The following SORCS2 variants were observed in gnomAD, a reference collection of about 807,000 sequenced individuals.
SORCS2 encodes the protein VPS10 domain-containing receptor SorCS2.
Under a neutral mutation model 141.6 loss-of-function variants are expected in SORCS2, and 100 were observed. That is an observed-to-expected ratio of 0.71 (90% CI 0.60 to 0.83). The LOEUF is 0.83. SORCS2 is among the 40% of genes least tolerant of loss of function. The pLI, the probability that SORCS2 is intolerant of heterozygous loss-of-function variation, is 0.00. For synonymous variants in SORCS2, 789 were observed against 676.9 expected, an observed-to-expected ratio of 1.17 and a Z score of -2.57; for missense variants, 1,646 against 1,560.2, an observed-to-expected ratio of 1.05 and a Z score of -0.93.
At chr4:7,285,537 G>C (rs937825682) in intron 1 of SORCS2, among the ~76,000 whole-genome samples, 59 of 152,306 alleles carry the variant, frequency 3.9e-4, no homozygotes, top group Admixed American at 8.5e-4. Context: ...TTAATTTTCC[G>C]GTGTTCCTCC....
chr4:7,631,256 A>G (rs1277166297), intron 3 of SORCS2, among the ~76,000 whole-genome samples: 2 of 151,362 alleles, frequency 1.3e-5, no homozygotes, highest in Non-Finnish European at 2.9e-5. Context: ...GCTCAGTCAC[A>G]GGGGTGCTTC....
chr4:7,360,876 C>T (rs559800721), intron 1 of SORCS2, among the ~76,000 whole-genome samples: 3 of 152,064 alleles, frequency 2.0e-5, no homozygotes, highest in Admixed American at 1.3e-4. Context: ...CTGCCCGGCC[C>T]GCCCAGTCCC....
chr4:7,441,642 A>C (rs1157897198), intron 2 of SORCS2, among the ~76,000 whole-genome samples: 22 of 133,274 alleles, frequency 1.7e-4, no homozygotes, highest in South Asian at 5.1e-4. Flanking sequence ...CCAGATCACC[A>C]TCTACCCCCT....
intron 3 of SORCS2, among the ~76,000 whole-genome samples, chr4:7,621,739 G>T (rs1358847049): frequency 2.0e-5 from 3 of 152,216 alleles, no homozygotes; most frequent in Non-Finnish European, 4.4e-5. Context: ...ACAGGTTGCC[G>T]GGGTGTGGCA....
intron 2 of SORCS2, among the ~76,000 whole-genome samples, chr4:7,484,102 A>G (rs1199444714): frequency 6.6e-6 from 1 of 152,192 alleles, no homozygotes; most frequent in East Asian, 1.9e-4. Flanking sequence ...CCTAGAAAAC[A>G]CAGTGCAATA....
intron 3 of SORCS2, among the ~76,000 whole-genome samples, chr4:7,562,954 C>T (rs895962022): frequency 4.6e-5 from 7 of 152,220 alleles, no homozygotes; most frequent in Non-Finnish European, 7.3e-5. Context: ...TGCAAAGTCT[C>T]TATTCCCAAA....
chr4:7,409,395 A>G (rs781781979), intron 2 of SORCS2, among the ~76,000 whole-genome samples: 1 of 152,132 alleles, frequency 6.6e-6, no homozygotes, highest in Non-Finnish European at 1.5e-5. Context: ...TGTAGAATAA[A>G]TCTCCAACAG....
intron 2 of SORCS2, among the ~76,000 whole-genome samples, chr4:7,490,445 C>G (rs1731250105): frequency 6.6e-6 from 1 of 152,120 alleles, no homozygotes; most frequent in African/African-American, 2.4e-5. Context: ...AAGGTCTCTG[C>G]CCCAGGAGGA....
chr4:7,585,987 A>G (rs1040426491), intron 3 of SORCS2, among the ~76,000 whole-genome samples: 1 of 152,182 alleles, frequency 6.6e-6, no homozygotes, highest in Non-Finnish European at 1.5e-5. Context: ...TCCTCCTTCT[A>G]GTTAAATATT....
chr4:7,363,073 A>ACAT (rs200749683), intron 1 of SORCS2, among the ~76,000 whole-genome samples: 1 of 146,562 alleles, frequency 6.8e-6, no homozygotes, highest in Non-Finnish European at 1.5e-5. Context: ...CTACCGTCAT[A>ACAT]CATCATCATC....
intron 3 of SORCS2, among the ~76,000 whole-genome samples, chr4:7,623,866 A>G (rs933560286): frequency 3.9e-5 from 6 of 152,156 alleles, no homozygotes; most frequent in Non-Finnish European, 5.9e-5. Context: ...TGCAGGTTCA[A>G]TGGAGGCTGA....
intron 2 of SORCS2, among the ~76,000 whole-genome samples, chr4:7,496,298 G>C (rs1030587459): frequency 2.5e-4 from 38 of 150,816 alleles, no homozygotes; most frequent in African/African-American, 8.8e-4. Flanking sequence ...GGAGAAGTGA[G>C]ATCCAAGGTC....
At position 7,349,793 on chromosome 4, in the gene SORCS2, C is replaced by T. The variant is rs184995509; in HGVS notation, c.481-46495C>T. ...TGGGCCGGAGAACTGTTGGACTGGACGCTCTGTTGTTTCTTTACAGCTCAG... is the reference window on the plus strand; with the variant it reads ...TGGGCCGGAGAACTGTTGGACTGGATGCTCTGTTGTTTCTTTACAGCTCAG... On this transcript the variant is annotated intron_variant, in intron 1 of 26. Transcript: ENST00000507866. Among the ~76,000 whole-genome samples the T allele has an allele frequency of 6.6e-5, 10 of 152,270 alleles. No individual in the cohort carries two copies. In the East Asian group the frequency reaches 9.7e-4, roughly 15 times the overall value.
At chr4:7,345,019 C>T (rs1047814569) in intron 1 of SORCS2, among the ~76,000 whole-genome samples, 1 of 152,154 alleles carries the variant, frequency 6.6e-6, no homozygotes, top group Admixed American at 6.5e-5. Flanking sequence ...CCTGTTGTCC[C>T]TCCTGCTGCT....
At chr4:7,279,042 C>T (rs977057094) in intron 1 of SORCS2, among the ~76,000 whole-genome samples, 1 of 152,204 alleles carries the variant, frequency 6.6e-6, no homozygotes, top group Non-Finnish European at 1.5e-5. Flanking sequence ...ATACCCCACC[C>T]ACCACCTAAT....
intron 16 of SORCS2, 43 bp from the exon 17 acceptor site, chr4:7,715,140 C>T (rs559871616): frequency 3.7e-6 from 6 of 1,606,402 alleles, no homozygotes; most frequent in South Asian, 3.3e-5. Context: ...ACTCCGGTTC[C>T]CACCTGTGCC....
At chr4:7,564,542 G>A (rs568189517) in intron 3 of SORCS2, among the ~76,000 whole-genome samples, 1 of 152,358 alleles carries the variant, frequency 6.6e-6, no homozygotes, top group African/African-American at 2.4e-5. Flanking sequence ...TTACAACTCA[G>A]CATGTGAGTC....
At chr4:7,433,467 G>A (rs12498567) in intron 2 of SORCS2, 262,850 of 1,566,270 alleles carry the variant, frequency 0.17, 23,039 homozygotes, top group Non-Finnish European at 0.18. Flanking sequence ...GGGTCCTGGG[G>A]CCGTGGCAGG....
intron 1 of SORCS2, among the ~76,000 whole-genome samples, chr4:7,230,652 G>A (rs1711796476): frequency 7.9e-6 from 1 of 125,852 alleles, no homozygotes; most frequent in Non-Finnish European, 1.8e-5. Context: ...CATGTATGAA[G>A]GAGATGAAGA....
Sources: allele counts gnomAD v4.1 joint callset (sites outside exome capture counted in the v4.1 genomes callset), GRCh38; gene constraint gnomAD v4.1.1; transcripts MANE v1.5; gene names NCBI Gene and HGNC (gene_info 2026-07-23, HGNC 2026-07-21).